The following SORCS2 variants were observed in gnomAD, a reference collection of about 807,000 sequenced individuals.
SORCS2 encodes sortilin related VPS10 domain containing receptor 2.
SORCS2 carries 100 observed loss-of-function variants against 141.6 expected under a neutral mutation model. The observed-to-expected ratio is 0.71, with a 90% CI of 0.60 to 0.83. The LOEUF is 0.83. SORCS2 is among the 40% of genes least tolerant of loss of function. SORCS2 has a pLI of 0.00. For missense variants in SORCS2, 1,646 were observed against 1,560.2 expected (o/e 1.05, Z -0.93); for synonymous variants, 789 against 676.9 (o/e 1.17, Z -2.57).
intron 2 of SORCS2, among the ~76,000 whole-genome samples, chr4:7,445,971 A>G (rs984223608): frequency 6.6e-6 from 1 of 151,788 alleles, no homozygotes; most frequent in Non-Finnish European, 1.5e-5. Flanking sequence ...GCCAGAGCCA[A>G]ATGCCTCGAA....
chr4:7,721,244 C>T (rs1411286428), intron 18 of SORCS2, among the ~76,000 whole-genome samples: 1 of 152,158 alleles, frequency 6.6e-6, no homozygotes, highest in Admixed American at 6.5e-5. Flanking sequence ...GTGGGTGGAT[C>T]AGCTGAGGTC....
intron 3 of SORCS2, among the ~76,000 whole-genome samples, chr4:7,543,177 C>A (rs1712817099): frequency 6.6e-6 from 1 of 152,192 alleles, no homozygotes; most frequent in Non-Finnish European, 1.5e-5. Flanking sequence ...ATCACATGTG[C>A]TGGTTGGTTG....
At chr4:7,701,984 C>T (rs1725117032) in intron 12 of SORCS2, among the ~76,000 whole-genome samples, 1 of 143,230 alleles carries the variant, frequency 7.0e-6, no homozygotes, top group Non-Finnish European at 1.6e-5. Flanking sequence ...CCTTCCTTAT[C>T]CCGCCCCACA....
At chr4:7,329,397 C>T (rs761664524) in intron 1 of SORCS2, among the ~76,000 whole-genome samples, 5 of 152,190 alleles carry the variant, frequency 3.3e-5, no homozygotes, top group African/African-American at 7.2e-5. Context: ...GGACACCTCC[C>T]GGGCCAGCCA....
At chr4:7,602,895 G>T (rs6832677) in intron 3 of SORCS2, among the ~76,000 whole-genome samples, 1 of 152,182 alleles carries the variant, frequency 6.6e-6, no homozygotes, top group Non-Finnish European at 1.5e-5. Flanking sequence ...GCGAGACTCC[G>T]TCTGCAATCC....
At chr4:7,207,627 C>T (rs1052979106) in intron 1 of SORCS2, among the ~76,000 whole-genome samples, 10 of 152,204 alleles carry the variant, frequency 6.6e-5, no homozygotes, top group Non-Finnish European at 1.2e-4. Flanking sequence ...AGATGTCTAG[C>T]GATGCAGGAG....
chr4:7,388,968 G>C (rs538718080), intron 1 of SORCS2, among the ~76,000 whole-genome samples: 1 of 152,226 alleles, frequency 6.6e-6, no homozygotes, highest in African/African-American at 2.4e-5. Flanking sequence ...ACAGCACTTC[G>C]ATGGAATAGC....
chr4:7,339,850 A>G (rs890320702), intron 1 of SORCS2, among the ~76,000 whole-genome samples: 6 of 152,152 alleles, frequency 3.9e-5, no homozygotes, highest in Admixed American at 1.3e-4. Flanking sequence ...AGTGTCTCCT[A>G]AAAGGGAGGG....
At chr4:7,270,715 A>G (rs530233737) in intron 1 of SORCS2, among the ~76,000 whole-genome samples, 1 of 152,366 alleles carries the variant, frequency 6.6e-6, no homozygotes, top group South Asian at 2.1e-4. Flanking sequence ...AGACCAAAAT[A>G]CAGATTTCGT....
chr4:7,689,766 A>G (rs528544564), intron 11 of SORCS2, among the ~76,000 whole-genome samples, 178 bp downstream of exon 11: 2 of 152,302 alleles, frequency 1.3e-5, no homozygotes, highest in African/African-American at 2.4e-5. Flanking sequence ...AAATGAATGC[A>G]TGGCCCAGGG....
intron 1 of SORCS2, among the ~76,000 whole-genome samples, chr4:7,206,621 A>G (rs556002312): frequency 1.7e-4 from 26 of 152,216 alleles, no homozygotes; most frequent in Non-Finnish European, 3.1e-4. Context: ...GCCTGAGAGG[A>G]GTCCTGGGCA....
intron 3 of SORCS2, among the ~76,000 whole-genome samples, chr4:7,538,401 G>A (rs528269440): frequency 9.0e-4 from 137 of 152,288 alleles, no homozygotes; most frequent in Non-Finnish European, 1.5e-3. Flanking sequence ...GATCAGCTTC[G>A]GGCCGACAGC....
At chr4:7,202,849 T>C (rs1440395336) in intron 1 of SORCS2, among the ~76,000 whole-genome samples, 1 of 152,068 alleles carries the variant, frequency 6.6e-6, no homozygotes, top group African/African-American at 2.4e-5. Context: ...AATTTTACCT[T>C]ATAATAATAA....
intron 15 of SORCS2, among the ~76,000 whole-genome samples, chr4:7,713,415 C>T (rs770869510): frequency 1.1e-4 from 16 of 152,120 alleles, no homozygotes; most frequent in Middle Eastern, 3.4e-3. Flanking sequence ...GTGGGTGGCC[C>T]TGTTGAAGAA....
intron 3 of SORCS2, among the ~76,000 whole-genome samples, chr4:7,574,942 C>T (rs1366718570): frequency 6.6e-6 from 1 of 152,236 alleles, no homozygotes; most frequent in Non-Finnish European, 1.5e-5. Context: ...ACTCCTGGGC[C>T]CTCCTGCAAG....
rs575852293 is a variant in SORCS2 at position 7,276,569 on chromosome 4, C to G, written c.480+83443C>G. Among the ~76,000 whole-genome samples, 103 of 152,288 alleles carry G rather than the reference C, an allele frequency of 6.8e-4. 1 individual carries two copies. Among genetic ancestry groups the G allele is most frequent in the Admixed American group, 5.5e-3 (84 of 15,300 alleles). On this transcript the variant is annotated intron_variant, in intron 1 of 26. Transcript: ENST00000507866. ...CTTATTGCTGCCGCTTCCTGCCTCC[C>G]CCGCTCCAGGCCCCGGGAAACGCAC...
intron 1 of SORCS2, among the ~76,000 whole-genome samples, chr4:7,365,826 C>G (rs1721850210): frequency 6.6e-6 from 1 of 152,190 alleles, no homozygotes; most frequent in South Asian, 2.1e-4. Context: ...AGCCAGGCAC[C>G]TTCTTTGCAA....
intron 2 of SORCS2, chr4:7,433,944 G>A: frequency 6.2e-7 from 1 of 1,613,870 alleles, no homozygotes; most frequent in Non-Finnish European, 8.5e-7. Context: ...TGAGCTCAGA[G>A]CTGTTGGACA....
chr4:7,205,195 G>C (rs560436985), intron 1 of SORCS2, among the ~76,000 whole-genome samples: 4 of 152,284 alleles, frequency 2.6e-5, no homozygotes, highest in African/African-American at 9.6e-5. Flanking sequence ...CTGTGTACCT[G>C]GCTGTGGGTT....
Sources: allele counts gnomAD v4.1 joint callset (sites outside exome capture counted in the v4.1 genomes callset), GRCh38; gene constraint gnomAD v4.1.1; transcripts MANE v1.5; gene names NCBI Gene and HGNC (gene_info 2026-07-23, HGNC 2026-07-21).